MAP2K5: variants seen among roughly 807,000 people sequenced by gnomAD.
MAP2K5 encodes mitogen-activated protein kinase kinase 5, also known as dual specificity mitogen-activated protein kinase kinase 5.
In MAP2K5, 49 loss-of-function variants were observed where a neutral mutation model predicts 83.1. The ratio of observed to expected loss-of-function variants is 0.59; its 90% CI spans 0.47 to 0.75. MAP2K5 has a LOEUF of 0.75. Ranked by LOEUF, MAP2K5 falls within the 30% of genes least tolerant of loss-of-function variation. The pLI is 0.00. For synonymous variants in MAP2K5, 202 were observed against 191.8 expected, an observed-to-expected ratio of 1.05 and a Z score of -0.44; for missense variants, 457 against 557.5, an observed-to-expected ratio of 0.82 and a Z score of 1.82.
chr15:67,766,368 A>C (rs908950624), intron 19 of MAP2K5, among the ~76,000 whole-genome samples: 2 of 152,246 alleles, frequency 1.3e-5, no homozygotes, highest in African/African-American at 4.8e-5. Flanking sequence ...GGTCTTAAAG[A>C]GAGTGACTTT....
intron 13 of MAP2K5, among the ~76,000 whole-genome samples, chr15:67,691,481 G>C (rs2088113873): frequency 6.6e-6 from 1 of 152,164 alleles, no homozygotes; most frequent in South Asian, 2.1e-4. Context: ...GTCAGGAGAA[G>C]ATTAACCCAT....
In MAP2K5 at chr15:67,775,425, G is replaced by A. The variant is rs939622008; in HGVS notation, c.1242+2673G>A. 6.6e-6 allele frequency among the ~76,000 whole-genome samples: 1 copy of A among 152,338 alleles called. No individual in the cohort carries two copies. Among genetic ancestry groups the A allele is most frequent in the South Asian group, 2.1e-4 (1 of 4,826 alleles). ...TTCAGCTGCTGTGGTTTTCTGGCAT[G>A]TAGCCATGAAGCTACATCAGAAGTG... On this transcript the variant is annotated intron_variant, in intron 21 of 21. Coordinates refer to ENST00000178640, the MANE Select transcript of MAP2K5 (RefSeq NM_145160.3). The surrounding 1 kb of genome is among the most constrained non-coding windows in gnomAD (Gnocchi z 5.3).
In MAP2K5 at chr15:67,668,327, C is replaced by T. The variant is rs1306188781; in HGVS notation, c.847+3682C>T. ...TGAAAATCTTTTCTCTAAAATAAAC[C>T]AAACGTGTGATAATTCCACATGAGG... On this transcript the variant is annotated intron_variant, in intron 13 of 21. Coordinates refer to ENST00000178640, the MANE Select transcript of MAP2K5 (RefSeq NM_145160.3). The surrounding 1 kb of genome is among the most constrained non-coding windows in gnomAD (Gnocchi z 4.0). 1.3e-5 allele frequency among the ~76,000 whole-genome samples: 2 copies of T among 151,878 alleles called. No individual in the cohort carries two copies. The highest frequency in any genetic ancestry group is 2.4e-5 in the African/African-American group (1 of 41,320).
chr15:67,740,557 C>G (rs1174668935), intron 17 of MAP2K5, among the ~76,000 whole-genome samples: 1 of 152,004 alleles, frequency 6.6e-6, no homozygotes, highest in Non-Finnish European at 1.5e-5. Flanking sequence ...TGCACCACTG[C>G]ACCCCATCTT....
chr15:67,589,292 C>A (rs1349989874), intron 6 of MAP2K5, among the ~76,000 whole-genome samples: 1 of 151,942 alleles, frequency 6.6e-6, no homozygotes, highest in Non-Finnish European at 1.5e-5. Flanking sequence ...AAGTTGATAG[C>A]CAGATACTAG....
Position 67,565,365 on chromosome 15 carries a change from G to A in MAP2K5, c.252+2015G>A, listed in dbSNP as rs141100336. ...CTGCCTCAGCCTCCTGAGTAGCTGG[G>A]ATTACAGGCACCCACCACCATGCCT... is the stretch of plus-strand genomic sequence containing the variant. On this transcript the variant is annotated intron_variant, in intron 3 of 21. Transcript: ENST00000178640. The surrounding 1 kb of genome is among the most constrained non-coding windows in gnomAD (Gnocchi z 4.1). Among the ~76,000 whole-genome samples, 3,023 of 151,996 alleles carry A rather than the reference G, an allele frequency of 0.02. 44 individuals carry two copies. Among genetic ancestry groups the A allele is most frequent in the Middle Eastern group, 0.085 (25 of 294 alleles).
chr15:67,586,052 T>C (rs2141002543), intron 5 of MAP2K5, 122 bp downstream of exon 5: 3 of 869,232 alleles, frequency 3.5e-6, no homozygotes, highest in East Asian at 2.7e-5. Flanking sequence ...TTTTATTTTT[T>C]TTAAATGGGA....
intron 9 of MAP2K5, chr15:67,641,661 A>T: frequency 3.1e-6 from 3 of 979,574 alleles, no homozygotes; most frequent in Non-Finnish European, 3.6e-6. Flanking sequence ...GCACCAAGGT[A>T]TTTCAGTTTC....
intron 7 of MAP2K5, among the ~76,000 whole-genome samples, chr15:67,597,526 T>A (rs1459443778): frequency 6.6e-6 from 1 of 152,236 alleles, no homozygotes; most frequent in East Asian, 1.9e-4. Flanking sequence ...TGTGATTTTT[T>A]AAATGATACT....
In MAP2K5 at chr15:67,757,019, C is replaced by A. The variant is rs878938760; in HGVS notation, c.1134+8418C>A. Among the ~76,000 whole-genome samples the A allele has an allele frequency of 1.3e-5, 2 of 152,126 alleles. No individual in the cohort carries two copies. The highest frequency in any genetic ancestry group is 6.5e-5 in the Admixed American group (1 of 15,276). On this transcript the variant is annotated intron_variant, in intron 19 of 21. Transcript: ENST00000178640. This position sits in a 1 kb window ranked among gnomAD's most constrained non-coding sequence, Gnocchi z 4.9. The stretch of plus-strand genomic sequence containing the variant: ...GCAGTGAACATGGCAGTGCAGATAT[C>A]TCTTCAGGATAGTGATTTATTTCCT...
rs1458220029 is a variant in MAP2K5, at chr15:67,640,449, G to A, written c.586-5782G>A. ...CCTGACCCTCTCCTGACTTTTGTGT[G>A]ACTTCAAGCATGTCACTTGAACCTC... is the stretch of plus-strand genomic sequence containing the variant. On this transcript the variant is annotated intron_variant, in intron 9 of 21. Transcript: ENST00000178640. This position sits in a 1 kb window ranked among gnomAD's most constrained non-coding sequence, Gnocchi z 4.6. The A allele has an allele frequency of 4.3e-6, 1 of 230,772 alleles. No individual in the cohort carries two copies. Among genetic ancestry groups the A allele is most frequent in the Non-Finnish European group, 7.1e-6 (1 of 140,100 alleles). The allele number at this position is 230,772 out of a possible 1,614,324, so 14.3% of individuals were successfully genotyped here. A position where few individuals can be genotyped will look rare whatever the true frequency, so the allele number is the denominator to read the frequency against.
intron 13 of MAP2K5, among the ~76,000 whole-genome samples, chr15:67,669,595 G>C (rs2087477391): frequency 6.6e-6 from 1 of 152,120 alleles, no homozygotes; most frequent in Non-Finnish European, 1.5e-5. Context: ...GTAAGTTTCA[G>C]GGGCCCAGAT....
At position 67,806,757 on chromosome 15, in the gene MAP2K5, C is replaced by T. The variant is rs754991388; in HGVS notation, c.*7C>T. 72 of 1,561,448 alleles carry T rather than the reference C, an allele frequency of 4.6e-5. No individual in the cohort carries two copies. The highest frequency in any genetic ancestry group is 7.1e-5 in the East Asian group (3 of 42,068). On this transcript the variant is annotated 3_prime_UTR_variant, in exon 22 of 22. Coordinates refer to ENST00000178640, the MANE Select transcript of MAP2K5 (RefSeq NM_145160.3). ...CCAGCAGGGGCCCCCGTGAGGCTGC[C>T]GCAGGGCACTGAAAGCCCAGGACCA...
At chr15:67,608,620 G>A (rs1416009542) in intron 8 of MAP2K5, among the ~76,000 whole-genome samples, 2 of 152,150 alleles carry the variant, frequency 1.3e-5, no homozygotes, top group Non-Finnish European at 2.9e-5. Flanking sequence ...TGGCATTTGA[G>A]CTGAGAAGTG....
At chr15:67,575,436 A>C (rs902003632) in intron 3 of MAP2K5, among the ~76,000 whole-genome samples, 2 of 152,182 alleles carry the variant, frequency 1.3e-5, no homozygotes, top group Admixed American at 1.3e-4. Context: ...TAGGTCACCC[A>C]TCAGCACAGA....
At position 67,770,135 on chromosome 15, in the gene MAP2K5, T is replaced by C. The variant is rs1024775607; in HGVS notation, c.1196+472T>C. ...TTGTATTTTAAATACAATACTGGGG[T>C]ACCATTTCAATGAATTTTGACATTT... is the stretch of plus-strand genomic sequence containing the variant. On this transcript the variant is annotated intron_variant, in intron 20 of 21. Coordinates refer to ENST00000178640, the MANE Select transcript of MAP2K5 (RefSeq NM_145160.3). This position sits in a 1 kb window ranked among gnomAD's most constrained non-coding sequence, Gnocchi z 5.0. Among the ~76,000 whole-genome samples the C allele has an allele frequency of 2.0e-5, 3 of 152,242 alleles. No individual in the cohort carries two copies. Among genetic ancestry groups the C allele is most frequent in the African/African-American group, 7.2e-5 (3 of 41,542 alleles).
chr15:67,663,041 A>G (rs980271683), intron 12 of MAP2K5, among the ~76,000 whole-genome samples: 167 of 152,298 alleles, frequency 1.1e-3, no homozygotes, highest in Non-Finnish European at 2.1e-4. Flanking sequence ...CCCAGTTGTT[A>G]AAAGTTTACC....
At position 67,785,880 on chromosome 15, in the gene MAP2K5, T is replaced by C. The variant is rs145713323; in HGVS notation, c.1242+13128T>C. Among the ~76,000 whole-genome samples the C allele has an allele frequency of 8.1e-4, 124 of 152,314 alleles. No individual in the cohort carries two copies. The highest frequency in any genetic ancestry group is 2.7e-3 in the African/African-American group (114 of 41,568). On this transcript the variant is annotated intron_variant, in intron 21 of 21. Transcript: ENST00000178640. This position sits in a 1 kb window ranked among gnomAD's most constrained non-coding sequence, Gnocchi z 4.4. Reference sequence around the variant, plus strand: ...AGATTGAATTGGATGTCAGAAAATATAGCTTCAAGTACAGGCACTACCTCT... The same window carrying C: ...AGATTGAATTGGATGTCAGAAAATACAGCTTCAAGTACAGGCACTACCTCT...
At chr15:67,730,808 A>G (rs919370858) in intron 17 of MAP2K5, among the ~76,000 whole-genome samples, 2 of 152,162 alleles carry the variant, frequency 1.3e-5, no homozygotes, top group Non-Finnish European at 2.9e-5. Flanking sequence ...ACTAGTGGCA[A>G]ATTGAGAGGA....
Sources: allele counts gnomAD v4.1 joint callset (sites outside exome capture counted in the v4.1 genomes callset), GRCh38; gene constraint gnomAD v4.1.1; non-coding constraint Gnocchi (gnomAD v3.1); transcripts MANE v1.5; gene names NCBI Gene and HGNC (gene_info 2026-07-23, HGNC 2026-07-21).